The following MED13 variants were observed in gnomAD, a reference collection of about 807,000 sequenced individuals.
MED13 encodes mediator complex subunit 13, also known as mediator of RNA polymerase II transcription subunit 13.
A neutral mutation model predicts 225.2 loss-of-function variants in MED13; 23 were observed. The observed-to-expected ratio is 0.10, with a 90% CI of 0.07 to 0.14. The LOEUF is 0.14. MED13 is among the 10% of genes least tolerant of loss of function. MED13 has a pLI of 1.00. For missense variants in MED13, 2,197 were observed against 2,594.5 expected (o/e 0.85, Z 3.33); for synonymous variants, 942 against 889.2 (o/e 1.06, Z -1.06).
At position 62,035,511 on chromosome 17, in the gene MED13, T is replaced by C. The variant is rs1328478589; in HGVS notation, c.568A>G (p.Ser190Gly). Reference protein sequence around the residue: ...INQHQPVYLLSEEHITLAQQS... With the variant: ...INQHQPVYLLGEEHITLAQQS... The stretch of plus-strand genomic sequence containing the variant: ...TGAGCAAGGGTGATATGCTCTTCAC[T>C]GAGAAGGTATACAGGTTGATGTTGG... The change falls in exon 4 of 30, where the codon AGT (serine) becomes GGT (glycine). Residue 190 changes from serine to glycine, a missense_variant. Ser to Gly is a moderately conservative substitution (Grantham distance 56). Transcript: ENST00000397786. The C allele has an allele frequency of 1.2e-6, 2 of 1,613,394 alleles. No homozygotes were observed. Among genetic ancestry groups the C allele is most frequent in the Non-Finnish European group, 1.7e-6 (2 of 1,179,566 alleles).
rs1322566180 is a variant in MED13 at position 61,956,444 on chromosome 17, G to C, written c.5518C>G (p.Leu1840Val). The change falls in exon 24 of 30, where the codon CTA becomes GTA. Residue 1840 changes from leucine to valine, a missense_variant. Physicochemically the swap from Leu to Val is conservative, Grantham distance 32 (BLOSUM62 1). Around this residue, in one of 12 missense-constraint regions of MED13, gnomAD observed 78 missense variants for 82.1 expected, o/e 0.95. Transcript: ENST00000397786. ...RKKSSARKFG[L>V]QKLWEWCLGL... ...AAGCACCACTCCCAAAGTTTCTGTAGACCAAATTTTCTAGCAGAACTTTTT... is the reference window on the plus strand; with the variant it reads ...AAGCACCACTCCCAAAGTTTCTGTACACCAAATTTTCTAGCAGAACTTTTT... 6.2e-7 allele frequency: 1 copy of C among 1,612,510 alleles called. No individual in the cohort carries two copies. The highest frequency in any genetic ancestry group is 8.5e-7 in the Non-Finnish European group (1 of 1,179,500).
chr17:62,010,636 C>T lies in MED13; in HGVS notation c.1881G>A (p.Glu627=). The change falls in exon 9 of 30, where the codon GAG becomes GAA. Residue 627 remains glutamate, a synonymous_variant. Transcript: ENST00000397786. Reference sequence around the variant, plus strand: ...CACTTGGAAGTTGAGGTGGTAAAAACTCTACATCTTTTTTCTTTGGGAACT... The same window carrying T: ...CACTTGGAAGTTGAGGTGGTAAAAATTCTACATCTTTTTTCTTTGGGAACT... ...YYKFPKKKDV[E]FLPPQLPSDK... 1 of 1,496,516 alleles carries T rather than the reference C, an allele frequency of 6.7e-7. No individual in the cohort carries two copies. The highest frequency in any genetic ancestry group is 1.4e-5 in the South Asian group (1 of 69,616). The allele number at this position is 1,496,516 out of a possible 1,614,324, so 92.7% of individuals were successfully genotyped here.
chr17:62,047,638 G>A (rs1187865398), intron 3 of MED13, among the ~76,000 whole-genome samples: 1 of 151,952 alleles, frequency 6.6e-6, no homozygotes, highest in Non-Finnish European at 1.5e-5. Flanking sequence ...GGGCTGATAG[G>A]TGCAGCAAAC....
At chr17:61,954,058 CTCTT>C (rs760592380) in intron 26 of MED13, among the ~76,000 whole-genome samples, 6 of 152,324 alleles carry the variant, frequency 3.9e-5, no homozygotes, top group Middle Eastern at 3.4e-3. Flanking sequence ...CTCTCTCTCT[CTCTT>C]TCAAACTATC....
chr17:61,978,530 G>A lies in MED13; in HGVS notation c.3805+3668C>T, dbSNP rs186254534. Among the ~76,000 whole-genome samples the A allele has an allele frequency of 2.7e-4, 41 of 152,216 alleles. 1 individual carries two copies. Among genetic ancestry groups the A allele is most frequent in the South Asian group, 1.0e-3 (5 of 4,828 alleles). ...CACTTTGTGGGGGGCCAAGGTGGGCGGATCAACTGCTCTGTATTTCATTTG... is the reference window on the plus strand; with the variant it reads ...CACTTTGTGGGGGGCCAAGGTGGGCAGATCAACTGCTCTGTATTTCATTTG... On this transcript the variant is annotated intron_variant, in intron 16 of 29. Coordinates refer to ENST00000397786, the MANE Select transcript of MED13 (RefSeq NM_005121.3).
At chr17:62,029,477 A>G (rs2080733445) in intron 8 of MED13, 64 bp downstream of exon 8, 2 of 1,238,080 alleles carry the variant, frequency 1.6e-6, no homozygotes, top group East Asian at 4.7e-5. Flanking sequence ...TAAAGTGGGC[A>G]TAAGCATTCA....
rs773685633 is a variant in MED13 at position 62,031,426 on chromosome 17, G to C, written c.1009+18C>G. 6.5e-7 allele frequency: 1 copy of C among 1,540,330 alleles called. No individual in the cohort carries two copies. Among genetic ancestry groups the C allele is most frequent in the South Asian group, 1.2e-5 (1 of 80,116 alleles). On this transcript the variant is annotated intron_variant, in intron 6 of 29. Coordinates refer to ENST00000397786, the MANE Select transcript of MED13 (RefSeq NM_005121.3). ...AATAACAAATTACCAGAGCTGATGA[G>C]ACAAATTACTGCTATACCTGTTTGG... is the stretch of plus-strand genomic sequence containing the variant.
intron 9 of MED13, chr17:62,003,582 G>A (rs1157690838): frequency 1.4e-5 from 1 of 72,322 alleles, no homozygotes; most frequent in African/African-American, 7.8e-5. Flanking sequence ...TCCAGCCTGA[G>A]CAACAACAGC....
chr17:61,966,571 C>A lies in MED13; in HGVS notation c.4272G>T (p.Lys1424Asn), dbSNP rs751737219. 3.1e-6 allele frequency: 5 copies of A among 1,613,916 alleles called. No homozygotes were observed. The South Asian group carries it at 4.4e-5, about 14-fold the overall frequency. ...GIMRVGSTAS[K>N]KLSEKLVAEW... ...CTGCTACCAACTTTTCTGATAGTTT[C>A]TTTGATGCAGTAGATCCAACTCTCA... The change falls in exon 19 of 30, where the codon AAG becomes AAT. Residue 1424 changes from lysine (K) to asparagine (N), a missense_variant. By Grantham distance (94) the Lys-to-Asn change is moderately conservative. Transcript: ENST00000397786.
intron 3 of MED13, among the ~76,000 whole-genome samples, chr17:62,044,416 G>A (rs1378515680): frequency 1.3e-5 from 2 of 152,052 alleles, no homozygotes; most frequent in Admixed American, 6.6e-5. Context: ...TCCTTCCTGT[G>A]AACTTTTACT....
Position 61,960,999 on chromosome 17 carries a change from G to C in MED13, c.5348C>G (p.Ala1783Gly). The C allele has an allele frequency of 6.2e-7, 1 of 1,613,908 alleles. No homozygotes were observed. Among genetic ancestry groups the C allele is most frequent in the Non-Finnish European group, 8.5e-7 (1 of 1,179,924 alleles). The stretch of plus-strand genomic sequence containing the variant: ...AAAAAGAACATTATATTTCTGTCCA[G>C]CTTCTCCAAATGTTTCTCCTAGCTC... ...QTELGETFGE[A>G]GQKYNVLFVG... Residue 1783 changes from alanine (A) to glycine (G), a missense_variant, in exon 23 of 30, where the codon GCT (alanine) becomes GGT (glycine). By Grantham distance (60) the Ala-to-Gly change is moderately conservative. Around this residue, in one of 12 missense-constraint regions of MED13, gnomAD observed 78 missense variants for 82.1 expected, o/e 0.95. Transcript: ENST00000397786.
intron 8 of MED13, among the ~76,000 whole-genome samples, chr17:62,018,108 T>C (rs2143625744): frequency 6.6e-6 from 1 of 152,352 alleles, no homozygotes; most frequent in South Asian, 2.1e-4. Flanking sequence ...CTAATACAGT[T>C]GGTACCACTG....
Position 62,052,544 on chromosome 17 carries a change from T to G in MED13, c.463A>C (p.Asn155His). ...GAATTTAAGATAGCTTACCTTTTAT[T>G]TATAGGTTTTTCATCTTTTTCATAA... ...KPYEKDEKPI[N>H]KSEHLSCSFT... The change falls in exon 3 of 30, where the codon AAT becomes CAT. Residue 155 changes from asparagine to histidine, a missense_variant. Physicochemically the swap from Asn to His is moderately conservative, Grantham distance 68. Coordinates refer to ENST00000397786, the MANE Select transcript of MED13 (RefSeq NM_005121.3). 1 of 1,574,742 alleles carries G rather than the reference T, an allele frequency of 6.4e-7. No homozygotes were observed. Among genetic ancestry groups the G allele is most frequent in the Non-Finnish European group, 8.6e-7 (1 of 1,161,564 alleles).
At chr17:61,964,287 A>G (rs1329961020) in intron 20 of MED13, among the ~76,000 whole-genome samples, 2 of 152,192 alleles carry the variant, frequency 1.3e-5, no homozygotes, top group Admixed American at 6.5e-5. Flanking sequence ...AATATTCAAC[A>G]CTAGGCCGGG....
Position 61,982,286 on chromosome 17 carries a change from C to T in MED13, c.3717G>A (p.Gly1239=), listed in dbSNP as rs1292299825. ...CTGACATGTTATCCATGAACTGACG[C>T]CCATGTTCTAATGCAAGGTAGCAGT... The part of the protein sequence containing the change: ...CNDCYLALEH[G]RQFMDNMSGG... Residue 1239 remains glycine (G), a synonymous_variant, in exon 16 of 30, where the codon GGG becomes GGA. Coordinates refer to ENST00000397786, the MANE Select transcript of MED13 (RefSeq NM_005121.3). 3 of 1,614,206 alleles carry T rather than the reference C, an allele frequency of 1.9e-6. No individual in the cohort carries two copies. Among genetic ancestry groups the T allele is most frequent in the Middle Eastern group, 3.3e-4 (2 of 6,062 alleles).
At chr17:62,051,988 G>C (rs930321302) in intron 3 of MED13, among the ~76,000 whole-genome samples, 1 of 152,098 alleles carries the variant, frequency 6.6e-6, no homozygotes, top group Non-Finnish European at 1.5e-5. Context: ...TCTGCAACTA[G>C]TCTAATAAGT....
In MED13 at chr17:62,010,677, C is replaced by T; in HGVS notation, c.1840G>A (p.Ala614Thr). The T allele has an allele frequency of 6.5e-7, 1 of 1,536,174 alleles. No homozygotes were observed. Among genetic ancestry groups the T allele is most frequent in the South Asian group, 1.3e-5 (1 of 78,802 alleles). The part of the protein sequence containing the change: ...VNLEEDEANI[A>T]WKYYKFPKKK... Reference sequence around the variant, plus strand: ...TTTGGGAACTTGTAATACTTCCAGGCTATATTGGCTTCATCTTCTTCCAAG... The same window carrying T: ...TTTGGGAACTTGTAATACTTCCAGGTTATATTGGCTTCATCTTCTTCCAAG... The change falls in exon 9 of 30, where the codon GCC becomes ACC. Residue 614 changes from alanine to threonine, a missense_variant. Around this residue, in one of 12 missense-constraint regions of MED13, gnomAD observed 884 missense variants for 918.5 expected, o/e 0.96. Coordinates refer to ENST00000397786, the MANE Select transcript of MED13 (RefSeq NM_005121.3).
intron 11 of MED13, among the ~76,000 whole-genome samples, chr17:61,988,810 T>C (rs967846016): frequency 2.0e-5 from 3 of 151,906 alleles, no homozygotes; most frequent in Non-Finnish European, 4.4e-5. Flanking sequence ...CATATACAGG[T>C]ACTTTTTTTT....
At chr17:61,995,805 T>A (rs2080341895) in intron 9 of MED13, among the ~76,000 whole-genome samples, 1 of 148,824 alleles carries the variant, frequency 6.7e-6, no homozygotes, top group Non-Finnish European at 1.5e-5. Flanking sequence ...GATTATGTAT[T>A]TTTTTTTTAC....
Sources: allele counts gnomAD v4.1 joint callset (sites outside exome capture counted in the v4.1 genomes callset), GRCh38; gene constraint gnomAD v4.1.1; regional missense constraint gnomAD v4.1.1; transcripts MANE v1.5; gene names NCBI Gene and HGNC (gene_info 2026-07-23, HGNC 2026-07-21).